Variants in TYMS observed in about 807,000 individuals in gnomAD.
TYMS encodes thymidylate synthase.
TYMS carries 21 observed loss-of-function variants against 39.3 expected under a neutral mutation model. The ratio of observed to expected loss-of-function variants is 0.54; its 90% CI spans 0.38 to 0.77. TYMS has a LOEUF of 0.77. Among genes scored for constraint, TYMS ranks in the 30% least tolerant of loss-of-function variants. TYMS has a pLI of 0.00. For missense variants in TYMS, 273 were observed against 406.7 expected (o/e 0.67, Z 2.83); for synonymous variants, 171 against 162.2 (o/e 1.05, Z -0.41).
In TYMS at chr18:670,809, T is replaced by C; in HGVS notation, c.674T>C (p.Phe225Ser). 1.2e-6 allele frequency: 2 copies of C among 1,614,110 alleles called. No individual in the cohort carries two copies. Among genetic ancestry groups the C allele is most frequent in the Non-Finnish European group, 8.5e-7 (1 of 1,180,030 alleles). ...RSGDMGLGVPFNIASYALLTY... is the reference protein window; with the variant it reads ...RSGDMGLGVPSNIASYALLTY... Reference sequence around the variant, plus strand: ...GGAGACATGGGCCTCGGTGTGCCTTTCAACATCGCCAGCTACGCCCTGCTC... The same window carrying C: ...GGAGACATGGGCCTCGGTGTGCCTTCCAACATCGCCAGCTACGCCCTGCTC... The change falls in exon 5 of 7, where the codon TTC becomes TCC. Residue 225 changes from phenylalanine to serine, a missense_variant. This residue lies in a region of TYMS where 228 missense variants were observed against 326.1 expected (regional missense o/e 0.70). Coordinates refer to ENST00000323274, the MANE Select transcript of TYMS (RefSeq NM_001071.4).
chr18:669,482 C>T, intron 4 of TYMS: 1 of 212,708 alleles, frequency 4.7e-6, no homozygotes, highest in South Asian at 9.0e-5. Flanking sequence ...GAGTGATTCT[C>T]CTGCCTCAGC....
chr18:669,712 G>A (rs1366765044), intron 4 of TYMS, among the ~76,000 whole-genome samples: 1 of 152,098 alleles, frequency 6.6e-6, no homozygotes, highest in African/African-American at 2.4e-5. Context: ...CTACATGTAA[G>A]ATGTTAACAT....
intron 3 of TYMS, chr18:667,617 G>GGAGATGGAGATGGAGAT (rs201838394): frequency 6.4e-5 from 3 of 46,618 alleles, no homozygotes; most frequent in Non-Finnish European, 1.3e-4. Context: ...TGATGGAGAT[G>GGAGATGGAGATGGAGAT]GGTGATGGTG....
intron 3 of TYMS, among the ~76,000 whole-genome samples, chr18:662,523 AATT>A (rs1418800979): frequency 1.1e-5 from 1 of 89,182 alleles, no homozygotes; most frequent in African/African-American, 4.5e-5. Flanking sequence ...TTTTTTTTTT[AATT>A]ATTATACTTT....
rs1465796559 is a variant in TYMS, at chr18:658,096, C to T, written c.205+149C>T. ...GGGACGCATCGTCCTCCTCGCCTTA[C>T]AGACGCCGAAACGGAGGGTCCCATT... On this transcript the variant is annotated intron_variant, in intron 1 of 6. Coordinates refer to ENST00000323274, the MANE Select transcript of TYMS (RefSeq NM_001071.4). The surrounding 1 kb of genome is among the most constrained non-coding windows in gnomAD (Gnocchi z 4.5). 6.3e-7 allele frequency: 1 copy of T among 1,584,508 alleles called. No individual in the cohort carries two copies. Among genetic ancestry groups the T allele is most frequent in the East Asian group, 2.3e-5 (1 of 43,344 alleles).
At chr18:670,378 T>C in intron 4 of TYMS, 1 of 248,974 alleles carries the variant, frequency 4.0e-6, no homozygotes. Flanking sequence ...ACCAGTTTCC[T>C]GTGGCAAACA....
intron 3 of TYMS, among the ~76,000 whole-genome samples, 175 bp downstream of exon 3, chr18:662,495 T>C (rs2074766258): frequency 7.1e-6 from 1 of 141,200 alleles, no homozygotes; most frequent in South Asian, 2.4e-4. Flanking sequence ...ATGAAGGCCG[T>C]TTCACACTCT....
At chr18:667,310 T>A (rs369491554) in intron 3 of TYMS, among the ~76,000 whole-genome samples, 7 of 30,400 alleles carry the variant, frequency 2.3e-4, no homozygotes, top group African/African-American at 2.3e-4. Flanking sequence ...ATGGTGATGG[T>A]GATGGAGATG....
intron 2 of TYMS, 44 bp from the exon 3 acceptor site, chr18:662,102 A>C: frequency 1.3e-6 from 2 of 1,553,388 alleles, no homozygotes; most frequent in Non-Finnish European, 1.7e-6. Flanking sequence ...GAGATGGCTT[A>C]GGATTTACCT....
Position 657,805 on chromosome 18 carries a change from C to T in TYMS, c.63C>T (p.Asp21=). The change falls in exon 1 of 7, where the codon GAC becomes GAT. Residue 21 remains aspartate, a synonymous_variant. Transcript: ENST00000323274. ...RPLPPAAQER[D]AEPRPPHGEL... ...TGCCCCCCGCCGCACAGGAGCGGGACGCCGAGCCGCGTCCGCCGCACGGGG... is the reference window on the plus strand; with the variant it reads ...TGCCCCCCGCCGCACAGGAGCGGGATGCCGAGCCGCGTCCGCCGCACGGGG... 1 of 1,461,950 alleles carries T rather than the reference C, an allele frequency of 6.8e-7. No individual in the cohort carries two copies. The highest frequency in any genetic ancestry group is 9.0e-7 in the Non-Finnish European group (1 of 1,113,852). 90.6% of individuals were successfully genotyped at this position (1,461,950 alleles called of 1,614,324 possible).
In TYMS at chr18:657,759, C is replaced by T. The variant is rs1257230944; in HGVS notation, c.17C>T (p.Ser6Leu). 6 of 1,421,598 alleles carry T rather than the reference C, an allele frequency of 4.2e-6. No individual in the cohort carries two copies. The highest frequency in any genetic ancestry group is 5.5e-6 in the Non-Finnish European group (6 of 1,096,748). 88.1% of individuals were successfully genotyped at this position (1,421,598 alleles called of 1,614,324 possible). A position where few individuals can be genotyped will look rare whatever the true frequency, so the allele number is the denominator to read the frequency against. ...CGCCGCGCCATGCCTGTGGCCGGCTCGGAGCTGCCGCGCCGGCCCTTGCCC... is the reference window on the plus strand; with the variant it reads ...CGCCGCGCCATGCCTGTGGCCGGCTTGGAGCTGCCGCGCCGGCCCTTGCCC... MPVAG[S>L]ELPRRPLPPA... Residue 6 changes from serine (S) to leucine (L), a missense_variant, in exon 1 of 7, where the codon TCG (serine) becomes TTG (leucine). Transcript: ENST00000323274.
chr18:670,943 T>C (rs2075015148), intron 5 of TYMS, 76 bp downstream of exon 5: 2 of 1,518,626 alleles, frequency 1.3e-6, no homozygotes, highest in East Asian at 2.3e-5. Context: ...GGAAAACAAA[T>C]TGCAGAGTTT....
Position 660,301 on chromosome 18 carries a change from GTC to G in TYMS, c.279+591_279+592del, listed in dbSNP as rs1054954092. Among the ~76,000 whole-genome samples the G allele has an allele frequency of 6.6e-6, 1 of 152,104 alleles. No homozygotes were observed. The highest frequency in any genetic ancestry group is 2.4e-5 in the African/African-American group (1 of 41,430). On this transcript the variant is annotated intron_variant, in intron 2 of 6. Coordinates refer to ENST00000323274, the MANE Select transcript of TYMS (RefSeq NM_001071.4). This position sits in a 1 kb window ranked among gnomAD's most constrained non-coding sequence, Gnocchi z 4.6. ...CCCCACACTTGGCTTCTTCCTTTGAGTCTCTACTCCACTCGGGCAAGCCTTCC... is the reference window on the plus strand; with the variant it reads ...CCCCACACTTGGCTTCTTCCTTTGAGTCTACTCCACTCGGGCAAGCCTTCC...
intron 6 of TYMS, 173 bp downstream of exon 6, chr18:671,624 C>G: frequency 1.6e-6 from 1 of 633,964 alleles, no homozygotes; most frequent in Admixed American, 3.0e-5. Context: ...CAGGCATCTG[C>G]CTCAGCAACC....
rs571251402 is a variant in TYMS at position 669,243 on chromosome 18, A to C, written c.556+70A>C. 578 of 1,380,526 alleles carry C rather than the reference A, an allele frequency of 4.2e-4. 9 individuals carry two copies. The South Asian group carries it at 6.8e-3, about 16-fold the overall frequency. 85.5% of individuals were successfully genotyped at this position (1,380,526 alleles called of 1,614,324 possible). ...AGAGGGAAGCAATCTGGTTTTGTGC[A>C]GAGGCACCTGAGGGAGGCAGGACCC... On this transcript the variant is annotated intron_variant, in intron 4 of 6. Coordinates refer to ENST00000323274, the MANE Select transcript of TYMS (RefSeq NM_001071.4).
At chr18:667,052 GAGA>G in intron 3 of TYMS, among the ~76,000 whole-genome samples, 6 of 37,922 alleles carry the variant, frequency 1.6e-4, no homozygotes, top group Admixed American at 2.5e-4. Flanking sequence ...GATGGTGATG[GAGA>G]TGGAGATGGT....
chr18:669,296 A>C, intron 4 of TYMS, 123 bp downstream of exon 4: 1 of 247,954 alleles, frequency 4.0e-6, no homozygotes, highest in Non-Finnish European at 6.0e-6. Context: ...CACATGGTTG[A>C]TTGTGTGACG....
chr18:664,597 G>T (rs1219871937), intron 3 of TYMS, among the ~76,000 whole-genome samples: 1 of 137,064 alleles, frequency 7.3e-6, no homozygotes, highest in African/African-American at 3.0e-5. Flanking sequence ...TCTTGTGCCA[G>T]TTTTCAAAGG....
intron 4 of TYMS, among the ~76,000 whole-genome samples, chr18:670,017 G>A (rs970241704): frequency 6.6e-6 from 1 of 150,632 alleles, no homozygotes; most frequent in African/African-American, 2.4e-5. Context: ...TACTTAGAGT[G>A]AAATACTTGC....
Sources: gnomAD v4.1 joint callset for allele counts (sites outside exome capture counted in the v4.1 genomes callset) on GRCh38, gnomAD v4.1.1 for gene constraint, gnomAD v4.1.1 regional missense constraint, Gnocchi (gnomAD v3.1) non-coding constraint, MANE v1.5 for transcripts, NCBI Gene and HGNC (gene_info 2026-07-23, HGNC 2026-07-21) for gene names.